The following ACACA variants were observed in gnomAD, a reference collection of about 807,000 sequenced individuals.
ACACA encodes acetyl-CoA carboxylase alpha, also known as acetyl-CoA carboxylase 1.
Under a neutral mutation model 296.1 loss-of-function variants are expected in ACACA, and 103 were observed. The ratio of observed to expected loss-of-function variants is 0.35; its 90% CI spans 0.30 to 0.41. The LOEUF is 0.41. Ranked by LOEUF, ACACA falls within the 10% of genes least tolerant of loss-of-function variation. The probability of loss-of-function intolerance (pLI) is 1.00; values close to 1 mark genes in which losing one functional copy is unlikely to be tolerated. For synonymous variants in ACACA, 953 were observed against 1,038.6 expected, an observed-to-expected ratio of 0.92 and a Z score of 1.58; for missense variants, 1,554 against 2,989.7, an observed-to-expected ratio of 0.52 and a Z score of 11.20.
intron 3 of ACACA, among the ~76,000 whole-genome samples, chr17:37,321,537 C>T (rs989792404): frequency 2.0e-5 from 3 of 152,064 alleles, no homozygotes; most frequent in Admixed American, 2.0e-4. Flanking sequence ...ATCATGAGGT[C>T]AGGAGATCGA....
At chr17:37,241,732 T>C (rs1038933416) in intron 23 of ACACA, among the ~76,000 whole-genome samples, 1 of 151,914 alleles carries the variant, frequency 6.6e-6, no homozygotes, top group Non-Finnish European at 1.5e-5. Context: ...TAATAAATAA[T>C]TGACAGAAAA....
intron 41 of ACACA, among the ~76,000 whole-genome samples, chr17:37,173,423 A>C (rs2076948613): frequency 6.6e-6 from 1 of 152,112 alleles, no homozygotes; most frequent in African/African-American, 2.4e-5. Flanking sequence ...CTAATCTTTT[A>C]GGCTTATATA....
intron 1 of ACACA, chr17:37,378,101 C>A: frequency 1.3e-6 from 1 of 746,496 alleles, no homozygotes; most frequent in South Asian, 2.0e-5. Context: ...TCCCAGGGGG[C>A]TTTCTGGAAA....
Position 37,159,613 on chromosome 17 carries a change from C to A in ACACA, c.5349+2168G>T, listed in dbSNP as rs568597421. On this transcript the variant is annotated intron_variant, in intron 42 of 55. Coordinates refer to ENST00000616317, the MANE Select transcript of ACACA (RefSeq NM_198834.3). ...AATATTTTCATCAGCCCCAGAAAAACCCCTGTACTGGATCAATTCCCATAC... is the reference window on the plus strand; with the variant it reads ...AATATTTTCATCAGCCCCAGAAAAAACCCTGTACTGGATCAATTCCCATAC... Among the ~76,000 whole-genome samples, 6 of 152,126 alleles carry A rather than the reference C, an allele frequency of 3.9e-5. No individual in the cohort carries two copies. In the South Asian group the frequency reaches 1.2e-3, roughly 32 times the overall value.
intron 41 of ACACA, among the ~76,000 whole-genome samples, chr17:37,178,807 A>G (rs1485226011): frequency 1.3e-5 from 2 of 152,160 alleles, no homozygotes; most frequent in Non-Finnish European, 2.9e-5. Flanking sequence ...TCTCAAAAAA[A>G]GAAAAAAGAA....
chr17:37,390,517 C>T (rs2050833977), intron 1 of ACACA, among the ~76,000 whole-genome samples: 1 of 147,768 alleles, frequency 6.8e-6, no homozygotes, highest in South Asian at 2.1e-4. Flanking sequence ...GTCCCAGCTA[C>T]TCGGGAGGCT....
In ACACA at chr17:37,244,133, C is replaced by T. The variant is rs140482167; in HGVS notation, c.2742+455G>A. 6.3e-3 allele frequency among the ~76,000 whole-genome samples: 953 copies of T among 151,374 alleles called. 11 individuals are homozygous for T. Among genetic ancestry groups the T allele is most frequent in the African/African-American group, 0.022 (894 of 41,204 alleles). ...ATCCCAGCACTTTGGGAGGCCGAGG[C>T]GGGCAGATCACAAAGTCAGGAGTTC... On this transcript the variant is annotated intron_variant, in intron 21 of 55. Transcript: ENST00000616317.
chr17:37,283,325 A>C lies in ACACA; in HGVS notation c.552T>G (p.Asn184Lys). The change falls in exon 5 of 56, where the codon AAT becomes AAG. Residue 184 changes from asparagine (N) to lysine (K), a missense_variant. Asn to Lys is a moderately conservative substitution (Grantham distance 94). Around this residue, in one of 16 missense-constraint regions of ACACA, gnomAD observed 40 missense variants for 92.2 expected, o/e 0.43. Transcript: ENST00000616317. ...IRRWSYEMFR[N>K]ERAIRFVVMV... The stretch of plus-strand genomic sequence containing the variant: ...TGACAACGAATCTAATTGCACGTTC[A>C]TTTCGAAACATTTCATAAGACCACC... 6.2e-7 allele frequency: 1 copy of C among 1,614,138 alleles called. No individual in the cohort carries two copies. Among genetic ancestry groups the C allele is most frequent in the Non-Finnish European group, 8.5e-7 (1 of 1,180,004 alleles).
chr17:37,147,097 AC>A, intron 45 of ACACA, among the ~76,000 whole-genome samples: 1 of 151,764 alleles, frequency 6.6e-6, no homozygotes, highest in East Asian at 1.9e-4. Context: ...CTTATTCTTC[AC>A]CCCAATGTTT....
intron 46 of ACACA, 138 bp from the exon 47 acceptor site, chr17:37,129,623 G>A: frequency 8.4e-7 from 1 of 1,190,376 alleles, no homozygotes; most frequent in African/African-American, 1.5e-5. Flanking sequence ...TCAGCTGGAA[G>A]AATCCTACGT....
chr17:37,354,066 C>A (rs1446556538), intron 1 of ACACA, among the ~76,000 whole-genome samples: 1 of 152,112 alleles, frequency 6.6e-6, no homozygotes, highest in African/African-American at 2.4e-5. Context: ...CATGTTTGCA[C>A]CACTGCACTC....
intron 45 of ACACA, among the ~76,000 whole-genome samples, chr17:37,134,318 T>C (rs562441518): frequency 1.3e-5 from 2 of 152,312 alleles, no homozygotes; most frequent in African/African-American, 4.8e-5. Context: ...CGTACTTCCT[T>C]TCCCCCATGC....
chr17:37,131,614 AT>A (rs2143497118), intron 45 of ACACA, among the ~76,000 whole-genome samples: 1 of 152,168 alleles, frequency 6.6e-6, no homozygotes, highest in East Asian at 1.9e-4. Flanking sequence ...GTATATTCCC[AT>A]TTTGCCCCTT....
intron 3 of ACACA, among the ~76,000 whole-genome samples, chr17:37,314,468 T>C (rs2046989660): frequency 6.6e-6 from 1 of 151,996 alleles, no homozygotes; most frequent in South Asian, 2.1e-4. Flanking sequence ...AACAAACATT[T>C]ATTAAGCACT....
At chr17:37,337,840 G>A (rs1334478036) in intron 2 of ACACA, among the ~76,000 whole-genome samples, 1 of 152,136 alleles carries the variant, frequency 6.6e-6, no homozygotes, top group East Asian at 1.9e-4. Flanking sequence ...GCTCACGCCT[G>A]TAATCCCAGC....
chr17:37,270,439 C>T (rs1878941), intron 10 of ACACA, among the ~76,000 whole-genome samples: 44,756 of 152,016 alleles, frequency 0.29, 7,667 homozygotes, highest in African/African-American at 0.46. Context: ...TTTTTCTTTG[C>T]CATTATGAGG....
intron 29 of ACACA, among the ~76,000 whole-genome samples, chr17:37,210,857 A>C (rs1313123193): frequency 6.6e-6 from 1 of 152,142 alleles, no homozygotes; most frequent in African/African-American, 2.4e-5. Flanking sequence ...AGCTTCAATA[A>C]GAAATATAAT....
At chr17:37,145,075 T>G (rs971897141) in intron 45 of ACACA, among the ~76,000 whole-genome samples, 2 of 152,186 alleles carry the variant, frequency 1.3e-5, no homozygotes, top group Non-Finnish European at 2.9e-5. Context: ...ATACTAGCTC[T>G]TCCCAGCCTA....
chr17:37,350,605 C>G (rs181090108), intron 1 of ACACA, among the ~76,000 whole-genome samples: 90 of 152,148 alleles, frequency 5.9e-4, no homozygotes, highest in African/African-American at 2.1e-3. Context: ...TTTGGGAGGC[C>G]GAGGCAGGTA....
Sources: allele counts gnomAD v4.1 joint callset (sites outside exome capture counted in the v4.1 genomes callset), GRCh38; gene constraint gnomAD v4.1.1; regional missense constraint gnomAD v4.1.1; transcripts MANE v1.5; gene names NCBI Gene and HGNC (gene_info 2026-07-23, HGNC 2026-07-21).